Variants in DOCK2 observed in about 807,000 individuals in gnomAD.
DOCK2 encodes dedicator of cytokinesis protein 2.
In DOCK2, 87 loss-of-function variants were observed where a neutral mutation model predicts 248.9. That is an observed-to-expected ratio of 0.35 (90% CI 0.29 to 0.42). The LOEUF (loss-of-function observed/expected upper bound fraction) is 0.42. Ranked by LOEUF, DOCK2 falls within the 10% of genes least tolerant of loss-of-function variation. The pLI, the probability that DOCK2 is intolerant of heterozygous loss-of-function variation, is 1.00. For missense variants in DOCK2, 1,747 were observed against 2,300.2 expected, an observed-to-expected ratio of 0.76 and a Z score of 4.92; for synonymous variants, 805 against 821.6, an observed-to-expected ratio of 0.98 and a Z score of 0.35.
chr5:169,673,988 C>G (rs1435596873), intron 5 of DOCK2, among the ~76,000 whole-genome samples: 1 of 152,250 alleles, frequency 6.6e-6, no homozygotes, highest in African/African-American at 2.4e-5. Flanking sequence ...CTGGGACCTC[C>G]ATTAGGGCAG....
intron 8 of DOCK2, among the ~76,000 whole-genome samples, chr5:169,686,384 C>G (rs1043011777): frequency 1.3e-5 from 2 of 152,196 alleles, no homozygotes; most frequent in African/African-American, 4.8e-5. Flanking sequence ...TGCTCCCTGC[C>G]GTGCCACCTG....
In DOCK2 at chr5:169,951,913, A is replaced by G. The variant is rs369087201; in HGVS notation, c.2800-31155A>G. On this transcript the variant is annotated intron_variant, in intron 27 of 51. Transcript: ENST00000520908. ...CCAGAACCAGAGCCCCAGGCTCACA[A>G]ACTTCACTACCTTGACTCCTAGGCT... Among the ~76,000 whole-genome samples, 280 of 152,300 alleles carry G rather than the reference A, an allele frequency of 1.8e-3. 6 individuals carry two copies. The South Asian group carries it at 0.048, about 26-fold the overall frequency.
intron 22 of DOCK2, 84 bp downstream of exon 22, chr5:169,718,875 G>A (rs987449827): frequency 1.4e-4 from 207 of 1,479,582 alleles, no homozygotes; most frequent in Middle Eastern, 3.6e-4. Context: ...GGAGAAACTC[G>A]TTTAAAAAAT....
In DOCK2 at chr5:169,699,346, C is replaced by T. The variant is rs182110863; in HGVS notation, c.1056-36C>T. 4.2e-5 allele frequency: 68 copies of T among 1,601,962 alleles called. No individual in the cohort carries two copies. In the African/African-American group the frequency reaches 4.9e-4, roughly 12 times the overall value. On this transcript the variant is annotated intron_variant, in intron 11 of 51. Coordinates refer to ENST00000520908, the MANE Select transcript of DOCK2 (RefSeq NM_004946.3). Reference sequence around the variant, plus strand: ...GACCCCTTGAAACGCAAGGAGGACACGATGTGGACATTTCATGCTCTCTTT... The same window carrying T: ...GACCCCTTGAAACGCAAGGAGGACATGATGTGGACATTTCATGCTCTCTTT...
intron 30 of DOCK2, among the ~76,000 whole-genome samples, chr5:170,005,371 G>A (rs1754988344): frequency 6.6e-6 from 1 of 151,134 alleles, no homozygotes; most frequent in Non-Finnish European, 1.5e-5. Flanking sequence ...TGCTGAGCAT[G>A]GCATTAGGGA....
intron 25 of DOCK2, among the ~76,000 whole-genome samples, chr5:169,801,199 A>C (rs1214186220): frequency 2.7e-5 from 3 of 112,656 alleles, no homozygotes; most frequent in Middle Eastern, 8.5e-3. Flanking sequence ...TTGGGGTTTC[A>C]CCATATTGGC....
intron 27 of DOCK2, among the ~76,000 whole-genome samples, chr5:169,966,707 TCTC>T (rs1777313860): frequency 6.6e-6 from 1 of 152,074 alleles, no homozygotes; most frequent in African/African-American, 2.4e-5. Context: ...GAGACTATGG[TCTC>T]CTCACTCTGG....
At position 169,714,134 on chromosome 5, in the gene DOCK2, T is replaced by C. The variant is rs1408472260; in HGVS notation, c.1766T>C (p.Val589Ala). ...GATLSRSSSS[V>A]GGLSVSSRDV... ...ACGCTGAGCAGGAGCTCCAGCAGTG[T>C]TGGGGGGCTTTCTGTCAGCTCCCGG... Residue 589 changes from valine (V) to alanine (A), a missense_variant, in exon 18 of 52, where the codon GTT becomes GCT. Transcript: ENST00000520908. 1.9e-6 allele frequency: 3 copies of C among 1,613,876 alleles called. No individual in the cohort carries two copies. The highest frequency in any genetic ancestry group is 2.2e-5 in the East Asian group (1 of 44,850).
chr5:169,659,088 G>A (rs1199015683), intron 2 of DOCK2, among the ~76,000 whole-genome samples: 3 of 151,174 alleles, frequency 2.0e-5, no homozygotes, highest in Admixed American at 6.6e-5. Context: ...CAGGGCCCAA[G>A]CAGTCCTCCT....
At chr5:169,950,382 CAGT>C (rs936027064) in intron 27 of DOCK2, among the ~76,000 whole-genome samples, 5 of 152,194 alleles carry the variant, frequency 3.3e-5, no homozygotes, top group African/African-American at 9.7e-5. Flanking sequence ...ACTCAAAAAA[CAGT>C]AGTATTATCT....
At chr5:170,077,066 C>T (rs975585938) in intron 47 of DOCK2, among the ~76,000 whole-genome samples, 1 of 152,164 alleles carries the variant, frequency 6.6e-6, no homozygotes, top group African/African-American at 2.4e-5. Flanking sequence ...AAGCATGATA[C>T]TTATGATTTC....
At chr5:169,996,842 TC>T (rs1222162322) in intron 30 of DOCK2, among the ~76,000 whole-genome samples, 2 of 152,144 alleles carry the variant, frequency 1.3e-5, no homozygotes, top group African/African-American at 4.8e-5. Flanking sequence ...GGCACTGAGC[TC>T]ATGAACTGGA....
intron 27 of DOCK2, among the ~76,000 whole-genome samples, chr5:169,910,292 G>T (rs758484459): frequency 1.3e-5 from 2 of 152,156 alleles, no homozygotes; most frequent in Non-Finnish European, 2.9e-5. Context: ...GGTTACCACC[G>T]CATGGAATAT....
Position 169,934,677 on chromosome 5 carries a change from C to T in DOCK2, c.2800-48391C>T, listed in dbSNP as rs767131668. The T allele has an allele frequency of 2.4e-5, 11 of 456,082 alleles. 1 individual carries two copies. The highest frequency in any genetic ancestry group is 6.5e-4 in the Middle Eastern group (2 of 3,098). The allele number at this position is 456,082 out of a possible 1,614,324, so 28.3% of individuals were successfully genotyped here. A position where few individuals can be genotyped will look rare whatever the true frequency, so the allele number is the denominator to read the frequency against. On this transcript the variant is annotated intron_variant, in intron 27 of 51. Coordinates refer to ENST00000520908, the MANE Select transcript of DOCK2 (RefSeq NM_004946.3). The stretch of plus-strand genomic sequence containing the variant: ...GATGCAGCTGATGATAGGACTGAAC[C>T]GATTGGGTGCTACGGAGTATTAAAT...
intron 13 of DOCK2, among the ~76,000 whole-genome samples, chr5:169,700,827 T>C (rs747422560): frequency 2.6e-5 from 4 of 151,556 alleles, no homozygotes; most frequent in Non-Finnish European, 4.4e-5. Context: ...AACTAAACTG[T>C]TATCTGATCT....
intron 27 of DOCK2, among the ~76,000 whole-genome samples, chr5:169,969,043 T>G (rs924141992): frequency 2.0e-5 from 3 of 152,156 alleles, no homozygotes; most frequent in Non-Finnish European, 4.4e-5. Flanking sequence ...GCAGCTTCTC[T>G]GGAGGCTGAG....
chr5:169,768,378 A>C (rs1764908649), intron 25 of DOCK2, among the ~76,000 whole-genome samples: 1 of 152,206 alleles, frequency 6.6e-6, no homozygotes, highest in South Asian at 2.1e-4. Flanking sequence ...TTTTCTCACT[A>C]TGCTTTATTC....
intron 22 of DOCK2, among the ~76,000 whole-genome samples, chr5:169,727,913 G>T (rs924501303): frequency 6.6e-6 from 1 of 152,212 alleles, no homozygotes; most frequent in African/African-American, 2.4e-5. Flanking sequence ...GGGGAAGAAA[G>T]GTTAGTTCGT....
intron 29 of DOCK2, among the ~76,000 whole-genome samples, chr5:169,993,575 G>GTC (rs1264859099): frequency 6.6e-6 from 1 of 151,978 alleles, no homozygotes; most frequent in Non-Finnish European, 1.5e-5. Flanking sequence ...GTGTGTGTGT[G>GTC]TCCAAATCCT....
Sources: gnomAD v4.1 joint callset for allele counts (sites outside exome capture counted in the v4.1 genomes callset) on GRCh38, gnomAD v4.1.1 for gene constraint, MANE v1.5 for transcripts, NCBI Gene and HGNC (gene_info 2026-07-23, HGNC 2026-07-21) for gene names.